Variants in TPTE observed in about 807,000 individuals in gnomAD.
TPTE encodes the protein putative tyrosine-protein phosphatase TPTE.
Under a neutral mutation model 84.1 loss-of-function variants are expected in TPTE, and 59 were observed. That is an observed-to-expected ratio of 0.70 (90% CI 0.57 to 0.87). The LOEUF (loss-of-function observed/expected upper bound fraction) is 0.87, where lower values mean the gene tolerates loss of function less well. Among genes scored for constraint, TPTE ranks in the 40% least tolerant of loss-of-function variants. The probability of loss-of-function intolerance (pLI) is 0.00; values close to 1 mark genes in which losing one functional copy is unlikely to be tolerated. For synonymous variants in TPTE, 130 were observed against 223.5 expected, an observed-to-expected ratio of 0.58 and a Z score of 3.73; for missense variants, 382 against 659.6, an observed-to-expected ratio of 0.58 and a Z score of 4.61.
At chr21:10,536,685 T>C (rs1221046588) in intron 3 of TPTE, among the ~76,000 whole-genome samples, 1 of 152,430 alleles carries the variant, frequency 6.6e-6, no homozygotes, top group South Asian at 2.1e-4. Context: ...TCTTTTACAC[T>C]GTTTATAAAC....
intron 8 of TPTE, among the ~76,000 whole-genome samples, chr21:10,555,635 A>T (rs2074667707): frequency 6.6e-6 from 1 of 152,302 alleles, no homozygotes; most frequent in Non-Finnish European, 1.5e-5. Context: ...ATATGTTTGT[A>T]TTTATGATTT....
At chr21:10,539,310 T>C (rs2074324433) in intron 4 of TPTE, among the ~76,000 whole-genome samples, 1 of 152,312 alleles carries the variant, frequency 6.6e-6, no homozygotes, top group Non-Finnish European at 1.5e-5. Flanking sequence ...TGTCAACATA[T>C]GAGGTTGGTG....
At chr21:10,566,869 C>CGTA (rs1798194611) in intron 10 of TPTE, among the ~76,000 whole-genome samples, 1 of 152,220 alleles carries the variant, frequency 6.6e-6, no homozygotes, top group Admixed American at 6.5e-5. Flanking sequence ...CCCAGCTACT[C>CGTA]GTGAGGCTGA....
intron 20 of TPTE, among the ~76,000 whole-genome samples, chr21:10,597,413 T>A: frequency 1.7e-5 from 1 of 59,396 alleles, no homozygotes; most frequent in South Asian, 5.9e-4. Flanking sequence ...TTCTTTTTTC[T>A]TTTTTTTTTT....
intron 18 of TPTE, among the ~76,000 whole-genome samples, chr21:10,591,875 A>G (rs1323928543): frequency 6.6e-6 from 1 of 152,312 alleles, no homozygotes; most frequent in Non-Finnish European, 1.5e-5. Context: ...CCCAAAGATC[A>G]CTGCGGCCGG....
At chr21:10,596,348 T>C (rs2075589104) in intron 20 of TPTE, among the ~76,000 whole-genome samples, 1 of 152,310 alleles carries the variant, frequency 6.6e-6, no homozygotes. Context: ...CCTGTTCTCA[T>C]TGCTCCTCTG....
chr21:10,563,147 G>C (rs1600907350), intron 10 of TPTE, among the ~76,000 whole-genome samples: 1 of 152,312 alleles, frequency 6.6e-6, no homozygotes, highest in Admixed American at 6.5e-5. Flanking sequence ...CCCTAGAACA[G>C]TGTATCCAGT....
intron 21 of TPTE, among the ~76,000 whole-genome samples, chr21:10,600,141 T>TTTC (rs1491182803): frequency 0.038 from 36 of 950 alleles, no homozygotes; most frequent in East Asian, 0.34. Context: ...TTTCTTTTTC[T>TTTC]TTTTTTTTTT....
intron 8 of TPTE, among the ~76,000 whole-genome samples, chr21:10,557,301 T>A: frequency 6.6e-6 from 1 of 152,308 alleles, no homozygotes; most frequent in Non-Finnish European, 1.5e-5. Flanking sequence ...ACTCTGCACA[T>A]AACTGCTTGA....
Position 10,561,064 on chromosome 21 carries a change from A to T in TPTE, c.319A>T (p.Thr107Ser). Reference sequence around the variant, plus strand: ...AGTTTTCCTGGTCTTACTGGATGTCACTCTCATCCTTGCCGACCTAATTTT... The same window carrying T: ...AGTTTTCCTGGTCTTACTGGATGTCTCTCTCATCCTTGCCGACCTAATTTT... Reference protein sequence around the residue: ...FGVFLVLLDVTLILADLIFTD... With the variant: ...FGVFLVLLDVSLILADLIFTD... Residue 107 changes from threonine to serine, a missense_variant, in exon 10 of 24, where the codon ACT (threonine) becomes TCT (serine). Physicochemically the swap from Thr to Ser is moderately conservative, Grantham distance 58 (BLOSUM62 1). Around this residue, in one of 10 missense-constraint regions of TPTE, gnomAD observed 85 missense variants for 230.9 expected, o/e 0.37. Transcript: ENST00000618007. 1 of 1,612,074 alleles carries T rather than the reference A, an allele frequency of 6.2e-7. No homozygotes were observed. The highest frequency in any genetic ancestry group is 8.5e-7 in the Non-Finnish European group (1 of 1,179,858).
At chr21:10,566,675 T>G (rs1201577158) in intron 10 of TPTE, among the ~76,000 whole-genome samples, 1 of 152,302 alleles carries the variant, frequency 6.6e-6, no homozygotes, top group African/African-American at 2.4e-5. Flanking sequence ...TATTTAGCCA[T>G]AAAAAAACAA....
intron 20 of TPTE, among the ~76,000 whole-genome samples, chr21:10,596,717 T>G (rs1337996327): frequency 7.9e-5 from 12 of 152,418 alleles, no homozygotes; most frequent in African/African-American, 2.6e-4. Context: ...AGCAAACCTC[T>G]TCTAGCAGCC....
At chr21:10,571,464 A>G (rs1236117100) in intron 14 of TPTE, among the ~76,000 whole-genome samples, 1 of 152,304 alleles carries the variant, frequency 6.6e-6, no homozygotes, top group Non-Finnish European at 1.5e-5. Context: ...GCAAGGAAAC[A>G]TTACACCTCC....
At chr21:10,548,049 A>G (rs1324943291) in intron 7 of TPTE, among the ~76,000 whole-genome samples, 1 of 152,306 alleles carries the variant, frequency 6.6e-6, no homozygotes, top group Non-Finnish European at 1.5e-5. Context: ...TGGCGTGCCC[A>G]GTAGCCCTCT....
At chr21:10,591,931 G>C (rs1169590494) in intron 18 of TPTE, among the ~76,000 whole-genome samples, 1 of 152,312 alleles carries the variant, frequency 6.6e-6, no homozygotes, top group African/African-American at 2.4e-5. Context: ...GGGAGGCTGA[G>C]GCAGGCGGAT....
intron 3 of TPTE, among the ~76,000 whole-genome samples, chr21:10,532,240 T>A (rs1376495130): frequency 3.3e-5 from 5 of 152,304 alleles, no homozygotes. Flanking sequence ...CTTGCACTAA[T>A]GTTAGTGTTT....
chr21:10,546,769 G>A (rs1284496022), intron 7 of TPTE, among the ~76,000 whole-genome samples: 3 of 152,312 alleles, frequency 2.0e-5, no homozygotes, highest in Non-Finnish European at 4.4e-5. Context: ...CTTTGATTCA[G>A]TGAAGCCTGG....
chr21:10,533,611 A>C (rs1484462229), intron 3 of TPTE, among the ~76,000 whole-genome samples: 6 of 152,302 alleles, frequency 3.9e-5, no homozygotes, highest in African/African-American at 1.4e-4. Flanking sequence ...AATAGCACCC[A>C]CTTTTTCCTT....
chr21:10,595,178 G>C (rs1174730179), intron 19 of TPTE, among the ~76,000 whole-genome samples: 1 of 152,310 alleles, frequency 6.6e-6, no homozygotes, highest in Non-Finnish European at 1.5e-5. Flanking sequence ...AAGTGGCTGG[G>C]ATTATAGGTG....
Sources: gnomAD v4.1 joint callset for allele counts (sites outside exome capture counted in the v4.1 genomes callset) on GRCh38, gnomAD v4.1.1 for gene constraint, gnomAD v4.1.1 regional missense constraint, MANE v1.5 for transcripts, NCBI Gene and HGNC (gene_info 2026-07-23, HGNC 2026-07-21) for gene names.